Variants in CASQ2 observed in about 807,000 individuals in gnomAD.
CASQ2 encodes the protein calsequestrin-2.
Under a neutral mutation model 46.5 loss-of-function variants are expected in CASQ2, and 49 were observed. That is an observed-to-expected ratio of 1.05 (90% CI 0.84 to 1.34). The LOEUF (loss-of-function observed/expected upper bound fraction) is 1.34. Among genes scored for constraint, CASQ2 ranks in the 40% most tolerant of loss-of-function variants. The pLI is 0.00. For missense variants in CASQ2, 486 were observed against 481.3 expected, an observed-to-expected ratio of 1.01 and a Z score of -0.09; for synonymous variants, 174 against 168.5, an observed-to-expected ratio of 1.03 and a Z score of -0.25.
chr1:115,721,623 G>A (rs1051525013), intron 7 of CASQ2, among the ~76,000 whole-genome samples: 3 of 152,084 alleles, frequency 2.0e-5, no homozygotes, highest in African/African-American at 7.2e-5. Flanking sequence ...CCAGGTTGGA[G>A]TGCAGTGGCA....
At chr1:115,747,556 A>G (rs751742926) in intron 1 of CASQ2, among the ~76,000 whole-genome samples, 1 of 152,202 alleles carries the variant, frequency 6.6e-6, no homozygotes, top group Non-Finnish European at 1.5e-5. Context: ...AAATCTGTGT[A>G]TAAACTTGGG....
Position 115,727,083 on chromosome 1 carries a change from A to T in CASQ2, c.646T>A (p.Phe216Ile). 1 of 1,613,376 alleles carries T rather than the reference A, an allele frequency of 6.2e-7. No homozygotes were observed. The highest frequency in any genetic ancestry group is 8.5e-7 in the Non-Finnish European group (1 of 1,179,308). The change falls in exon 6 of 11, where the codon TTC becomes ATC. Residue 216 changes from phenylalanine to isoleucine, a missense_variant. Transcript: ENST00000261448. The stretch of plus-strand genomic sequence containing the variant: ...GGCTCATCCATAAATGGCTCATAGA[A>T]GTCAACCTCATTCATCTTCAAAGAT... ...KLSLKMNEVD[F>I]YEPFMDEPIA... is the part of the protein sequence containing the mutation.
chr1:115,741,293 C>A (rs1648170088), intron 2 of CASQ2, among the ~76,000 whole-genome samples: 1 of 152,172 alleles, frequency 6.6e-6, no homozygotes, highest in Non-Finnish European at 1.5e-5. Flanking sequence ...TGCTTCCTGT[C>A]CACATGTTTA....
intron 8 of CASQ2, 119 bp downstream of exon 8, chr1:115,717,721 C>T: frequency 1.2e-6 from 1 of 816,056 alleles, no homozygotes; most frequent in South Asian, 1.3e-5. Context: ...CCAGGGGGTG[C>T]CCAATATCTT....
At chr1:115,747,506 C>T (rs1648427598) in intron 1 of CASQ2, among the ~76,000 whole-genome samples, 5 of 150,656 alleles carry the variant, frequency 3.3e-5, no homozygotes, top group Admixed American at 3.3e-4. Context: ...TGTTTATACA[C>T]AAAAAAAAAT....
intron 8 of CASQ2, among the ~76,000 whole-genome samples, chr1:115,709,389 G>C (rs1328149995): frequency 2.0e-5 from 3 of 152,204 alleles, no homozygotes; most frequent in Non-Finnish European, 4.4e-5. Flanking sequence ...TTTAAAATGA[G>C]TAAATGTTTC....
intron 7 of CASQ2, among the ~76,000 whole-genome samples, chr1:115,724,948 G>A (rs1017947233): frequency 2.0e-5 from 3 of 152,238 alleles, no homozygotes; most frequent in Non-Finnish European, 2.9e-5. Context: ...AGAAGCTATA[G>A]TCACTGCAGG....
At chr1:115,761,410 AG>A in intron 1 of CASQ2, among the ~76,000 whole-genome samples, 1 of 62 alleles carries the variant, frequency 0.016, no homozygotes, top group African/African-American at 0.05. Flanking sequence ...AAAAAGAAGA[AG>A]AAGAAGAAGA....
chr1:115,724,526 G>T (rs550718131), intron 7 of CASQ2, among the ~76,000 whole-genome samples: 63 of 152,254 alleles, frequency 4.1e-4, no homozygotes, highest in African/African-American at 1.5e-3. Flanking sequence ...CAAATAAAAA[G>T]ATGCATGAAA....
intron 1 of CASQ2, among the ~76,000 whole-genome samples, chr1:115,763,389 C>G (rs769238912): frequency 7.2e-5 from 11 of 152,112 alleles, no homozygotes; most frequent in Middle Eastern, 3.4e-3. Flanking sequence ...GACCTGTGAC[C>G]GCTGGCAACT....
At chr1:115,741,968 T>C (rs963470176) in intron 2 of CASQ2, among the ~76,000 whole-genome samples, 2 of 152,150 alleles carry the variant, frequency 1.3e-5, no homozygotes, top group African/African-American at 4.8e-5. Context: ...GCATGAGGTA[T>C]AAGCAGCCTC....
chr1:115,755,978 ACTT>A (rs10687237), intron 1 of CASQ2, among the ~76,000 whole-genome samples: 2 of 152,188 alleles, frequency 1.3e-5, no homozygotes, highest in East Asian at 1.9e-4. Flanking sequence ...TGTTGCATTC[ACTT>A]CTTCTGTGTC....
intron 1 of CASQ2, among the ~76,000 whole-genome samples, chr1:115,747,629 G>C (rs1342453465): frequency 6.6e-6 from 1 of 152,072 alleles, no homozygotes; most frequent in Non-Finnish European, 1.5e-5. Context: ...CCATTTATTT[G>C]ATCTTCTTTG....
chr1:115,726,286 C>T (rs1647587916), intron 6 of CASQ2, among the ~76,000 whole-genome samples: 1 of 152,200 alleles, frequency 6.6e-6, no homozygotes, highest in African/African-American at 2.4e-5. Context: ...CAAAAAACTA[C>T]AGCTGGTGGG....
At chr1:115,704,888 G>T (rs1015899796) in intron 9 of CASQ2, among the ~76,000 whole-genome samples, 2 of 152,216 alleles carry the variant, frequency 1.3e-5, no homozygotes, top group Admixed American at 1.3e-4. Context: ...TGGGGACTGG[G>T]AATGGAGTGA....
In CASQ2 at chr1:115,768,523, A is replaced by G. The variant is rs727502911; in HGVS notation, c.19T>C (p.Phe7Leu). The change falls in exon 1 of 11, where the codon TTT becomes CTT. Residue 7 changes from phenylalanine (F) to leucine (L), a missense_variant. By Grantham distance (22) the Phe-to-Leu change is conservative (BLOSUM62 0). Transcript: ENST00000261448. ...GACAGAAAATAAATCCCCACAATAA[A>G]CAAGTGAGTTCTCTTCATTTGGGAA... MKRTHL[F>L]IVGIYFLSSC... 6.2e-7 allele frequency: 1 copy of G among 1,612,028 alleles called. No homozygotes were observed. The highest frequency in any genetic ancestry group is 8.5e-7 in the Non-Finnish European group (1 of 1,178,070).
chr1:115,717,977 G>T (rs1647224785), intron 7 of CASQ2, 83 bp from the exon 8 acceptor site: 1 of 958,476 alleles, frequency 1.0e-6, no homozygotes. Context: ...TCAGAAGCTG[G>T]AATGGGAATA....
intron 1 of CASQ2, among the ~76,000 whole-genome samples, chr1:115,756,034 C>T (rs947987722): frequency 1.3e-5 from 2 of 152,148 alleles, no homozygotes; most frequent in Non-Finnish European, 2.9e-5. Context: ...GGTGTGTGGT[C>T]GGGCTAACAG....
At chr1:115,764,378 G>A (rs908341410) in intron 1 of CASQ2, among the ~76,000 whole-genome samples, 4 of 152,092 alleles carry the variant, frequency 2.6e-5, no homozygotes, top group African/African-American at 4.8e-5. Flanking sequence ...ATTCCCAATT[G>A]AAAAATGTAT....
Sources: gnomAD v4.1 joint callset for allele counts (sites outside exome capture counted in the v4.1 genomes callset) on GRCh38, gnomAD v4.1.1 for gene constraint, MANE v1.5 for transcripts, NCBI Gene and HGNC (gene_info 2026-07-23, HGNC 2026-07-21) for gene names.